The following FSTL5 variants were observed in gnomAD, a reference collection of about 807,000 sequenced individuals.
The protein encoded by FSTL5 is follistatin like 5.
FSTL5 carries 62 observed loss-of-function variants against 89.1 expected under a neutral mutation model. That is an observed-to-expected ratio of 0.70 (90% CI 0.57 to 0.86). The LOEUF (loss-of-function observed/expected upper bound fraction) is 0.86, where lower values mean the gene tolerates loss of function less well. Among genes scored for constraint, FSTL5 ranks in the 40% least tolerant of loss-of-function variants. The probability of loss-of-function intolerance (pLI) is 0.00; values close to 1 mark genes in which losing one functional copy is unlikely to be tolerated. For synonymous variants in FSTL5, 383 were observed against 346.2 expected, an observed-to-expected ratio of 1.11 and a Z score of -1.18; for missense variants, 1,057 against 1,001.6, an observed-to-expected ratio of 1.06 and a Z score of -0.75.
At chr4:161,414,487 G>A (rs186370662) in intron 15 of FSTL5, among the ~76,000 whole-genome samples, 93 of 152,250 alleles carry the variant, frequency 6.1e-4, no homozygotes, top group African/African-American at 1.9e-3. Flanking sequence ...GTCTACCAGC[G>A]TCAGAGGGTC....
intron 3 of FSTL5, among the ~76,000 whole-genome samples, chr4:162,013,597 T>C (rs1037979169): frequency 1.3e-5 from 2 of 152,188 alleles, no homozygotes; most frequent in Non-Finnish European, 2.9e-5. Context: ...AGGTCCTTTG[T>C]TGTTGTTCTA....
intron 3 of FSTL5, among the ~76,000 whole-genome samples, chr4:161,957,970 T>C (rs992633709): frequency 2.6e-5 from 4 of 152,108 alleles, no homozygotes; most frequent in African/African-American, 4.8e-5. Context: ...AAGGTTCCTA[T>C]TACATATATA....
intron 1 of FSTL5, among the ~76,000 whole-genome samples, chr4:162,137,294 A>T (rs1295231684): frequency 2.0e-5 from 3 of 152,110 alleles, no homozygotes; most frequent in Admixed American, 2.0e-4. Context: ...TTCCTAGGTC[A>T]CATCTTAGCA....
At chr4:161,746,768 A>G (rs1740215698) in intron 6 of FSTL5, among the ~76,000 whole-genome samples, 1 of 152,054 alleles carries the variant, frequency 6.6e-6, no homozygotes, top group Admixed American at 6.6e-5. Flanking sequence ...GAATTATCCA[A>G]TTTCTCATTA....
intron 4 of FSTL5, among the ~76,000 whole-genome samples, chr4:161,875,905 T>A (rs995687350): frequency 3.3e-5 from 5 of 152,130 alleles, no homozygotes; most frequent in African/African-American, 9.7e-5. Context: ...GTGGTTTGGG[T>A]TTTAGGTGGC....
At chr4:162,029,654 A>AT (rs1280916835) in intron 3 of FSTL5, among the ~76,000 whole-genome samples, 1 of 151,896 alleles carries the variant, frequency 6.6e-6, no homozygotes, top group Admixed American at 6.6e-5. Context: ...ATCATCATCG[A>AT]TTTTTTTTCT....
chr4:161,490,194 G>T (rs575856262), intron 12 of FSTL5, among the ~76,000 whole-genome samples: 1 of 151,854 alleles, frequency 6.6e-6, no homozygotes, highest in Non-Finnish European at 1.5e-5. Context: ...ATAAAAAATC[G>T]AAAACAAACT....
intron 3 of FSTL5, among the ~76,000 whole-genome samples, chr4:161,945,460 A>T (rs574630185): frequency 2.0e-5 from 3 of 152,198 alleles, no homozygotes; most frequent in Non-Finnish European, 4.4e-5. Flanking sequence ...GATCACATAA[A>T]ATTAATTACT....
chr4:161,844,009 A>C (rs1021044024), intron 4 of FSTL5, among the ~76,000 whole-genome samples: 1 of 152,162 alleles, frequency 6.6e-6, no homozygotes, highest in Admixed American at 6.5e-5. Context: ...TGAACAGGCA[A>C]CCTATAGAAT....
At chr4:161,761,919 T>G (rs2126791568) in intron 5 of FSTL5, among the ~76,000 whole-genome samples, 1 of 152,328 alleles carries the variant, frequency 6.6e-6, no homozygotes, top group African/African-American at 2.4e-5. Context: ...AACATGATTC[T>G]TAGTAATTAT....
rs1553996329 is a variant in FSTL5, at chr4:162,066,355, C to CTTCTTGTTCTT, written c.127-32698_127-32697insAAGAACAAGAA. Among the ~76,000 whole-genome samples, 31 of 61,180 alleles carry CTTCTTGTTCTT rather than the reference C, an allele frequency of 5.1e-4. 1 individual carries two copies. Among genetic ancestry groups the CTTCTTGTTCTT allele is most frequent in the African/African-American group, 1.9e-3 (31 of 16,372 alleles). 40.1% of individuals were successfully genotyped at this position (61,180 alleles called of 152,430 possible). A position where few individuals can be genotyped will look rare whatever the true frequency, so the allele number is the denominator to read the frequency against. On this transcript the variant is annotated intron_variant, in intron 2 of 15. Transcript: ENST00000306100. ...TTCTTCTTCTTCTTCTTCTTCTTCT[C>CTTCTTGTTCTT]CTTCTTCTTCTTCTTCTCCTTCTTC...
intron 15 of FSTL5, among the ~76,000 whole-genome samples, chr4:161,426,433 T>C (rs1363526290): frequency 6.6e-6 from 1 of 152,198 alleles, no homozygotes; most frequent in African/African-American, 2.4e-5. Flanking sequence ...TTCTCAGAAC[T>C]AACAGACATG....
intron 13 of FSTL5, among the ~76,000 whole-genome samples, chr4:161,461,052 A>T (rs1560906089): frequency 6.6e-6 from 1 of 151,668 alleles, no homozygotes; most frequent in African/African-American, 2.4e-5. Context: ...CAGAGATAAC[A>T]GAAGGCTTCC....
At chr4:161,810,260 G>A (rs187982094) in intron 4 of FSTL5, among the ~76,000 whole-genome samples, 1 of 152,194 alleles carries the variant, frequency 6.6e-6, no homozygotes, top group Non-Finnish European at 1.5e-5. Context: ...TATCTATGAA[G>A]TATATAGCCT....
chr4:162,036,841 T>C (rs1190983649), intron 2 of FSTL5, among the ~76,000 whole-genome samples: 2 of 151,900 alleles, frequency 1.3e-5, no homozygotes, highest in African/African-American at 4.8e-5. Flanking sequence ...TAAAACGTTT[T>C]TTGGTGCTCA....
At chr4:161,577,049 T>G (rs1170835608) in intron 8 of FSTL5, among the ~76,000 whole-genome samples, 2 of 152,204 alleles carry the variant, frequency 1.3e-5, no homozygotes, top group Non-Finnish European at 2.9e-5. Context: ...AATCTATATC[T>G]TAGGACAGCC....
At chr4:162,047,358 A>G (rs1422876600) in intron 2 of FSTL5, 1 of 152,020 alleles carries the variant, frequency 6.6e-6, no homozygotes. Flanking sequence ...TTCTTTACCT[A>G]TTATCTCTTT....
chr4:161,385,696 A>T lies in FSTL5; in HGVS notation c.*51T>A. 2 of 1,241,996 alleles carry T rather than the reference A, an allele frequency of 1.6e-6. No homozygotes were observed. Among genetic ancestry groups the T allele is most frequent in the Non-Finnish European group, 1.1e-6 (1 of 885,230 alleles). 76.9% of individuals were successfully genotyped at this position (1,241,996 alleles called of 1,614,324 possible). A position where few individuals can be genotyped will look rare whatever the true frequency, so the allele number is the denominator to read the frequency against. ...AAGTTGTAAATTTAAACAATGGATT[A>T]AGTGCAATGTATTGTAAAACGCTTC... is the stretch of plus-strand genomic sequence containing the variant. On this transcript the variant is annotated 3_prime_UTR_variant, in exon 16 of 16. Transcript: ENST00000306100.
intron 4 of FSTL5, among the ~76,000 whole-genome samples, chr4:161,795,630 T>C (rs1270305265): frequency 6.6e-6 from 1 of 152,124 alleles, no homozygotes; most frequent in Admixed American, 6.5e-5. Flanking sequence ...AGTTTATTTT[T>C]GTTTATGATT....
Sources: allele counts gnomAD v4.1 joint callset (sites outside exome capture counted in the v4.1 genomes callset), GRCh38; gene constraint gnomAD v4.1.1; transcripts MANE v1.5; gene names NCBI Gene and HGNC (gene_info 2026-07-23, HGNC 2026-07-21).